Variants in MSR1 observed in about 807,000 individuals in gnomAD.
MSR1 encodes macrophage scavenger receptor 1, also known as macrophage scavenger receptor types I and II.
A neutral mutation model predicts 47.2 loss-of-function variants in MSR1; 53 were observed. That is an observed-to-expected ratio of 1.12 (90% confidence interval 0.90 to 1.41). The LOEUF (loss-of-function observed/expected upper bound fraction) is 1.41. MSR1 is among the 40% of genes most tolerant of loss of function. The probability of loss-of-function intolerance (pLI) is 0.00; values close to 1 mark genes in which losing one functional copy is unlikely to be tolerated. For synonymous variants in MSR1, 239 were observed against 185.6 expected (o/e 1.29, Z -2.34); for missense variants, 786 against 546.9 (o/e 1.44, Z -4.36).
At chr8:16,139,844 GAAGAT>G (rs1323239302) in intron 8 of MSR1, 1 of 310,542 alleles carries the variant, frequency 3.2e-6, no homozygotes, top group East Asian at 2.3e-4. Flanking sequence ...TGGAAAATAA[GAAGAT>G]GAGAAGGTAA....
intron 8 of MSR1, among the ~76,000 whole-genome samples, chr8:16,124,903 T>G (rs1156282149): frequency 6.6e-6 from 1 of 152,144 alleles, no homozygotes; most frequent in African/African-American, 2.4e-5. Flanking sequence ...GCTTAAAATA[T>G]CAAATCATAG....
At chr8:16,180,900 T>G (rs957341707) in intron 1 of MSR1, among the ~76,000 whole-genome samples, 1 of 152,142 alleles carries the variant, frequency 6.6e-6, no homozygotes, top group Non-Finnish European at 1.5e-5. Context: ...ATCTGACCAC[T>G]GTGGAGAAAG....
intron 9 of MSR1, among the ~76,000 whole-genome samples, chr8:16,117,488 G>T (rs780209957): frequency 3.9e-5 from 6 of 152,134 alleles, no homozygotes; most frequent in Non-Finnish European, 8.8e-5. Context: ...CTGATGGCAG[G>T]CTTTAGAGTC....
At chr8:16,137,853 A>G (rs1800429503) in intron 8 of MSR1, among the ~76,000 whole-genome samples, 1 of 151,940 alleles carries the variant, frequency 6.6e-6, no homozygotes, top group Admixed American at 6.6e-5. Flanking sequence ...ATAGCCAAGC[A>G]TGGTGGTGTG....
intron 6 of MSR1, among the ~76,000 whole-genome samples, chr8:16,150,582 G>A (rs1800828608): frequency 6.6e-6 from 1 of 152,054 alleles, no homozygotes; most frequent in African/African-American, 2.4e-5. Flanking sequence ...AGATCTTGGA[G>A]TTTTAACCAA....
chr8:16,119,435 A>C (rs1355366003), intron 9 of MSR1, among the ~76,000 whole-genome samples: 1 of 152,078 alleles, frequency 6.6e-6, no homozygotes. Context: ...CATGTTGGCC[A>C]GGCTGATCTC....
intron 5 of MSR1, among the ~76,000 whole-genome samples, chr8:16,162,211 A>G (rs370603524): frequency 1.3e-5 from 2 of 152,084 alleles, no homozygotes; most frequent in South Asian, 2.1e-4. Flanking sequence ...AAGAGCCACA[A>G]GAAAAGCTTG....
At chr8:16,144,807 T>C (rs1455243014) in intron 7 of MSR1, among the ~76,000 whole-genome samples, 1 of 152,142 alleles carries the variant, frequency 6.6e-6, no homozygotes, top group Non-Finnish European at 1.5e-5. Flanking sequence ...ATCTTCTCTT[T>C]GTGATTTTAT....
intron 1 of MSR1, among the ~76,000 whole-genome samples, chr8:16,191,887 G>A (rs527385958): frequency 2.0e-4 from 31 of 152,174 alleles, no homozygotes; most frequent in African/African-American, 7.2e-4. Context: ...ATTTATTTTT[G>A]ATAGACTTTT....
chr8:16,185,896 A>G (rs1368491393), intron 1 of MSR1, among the ~76,000 whole-genome samples: 2 of 151,818 alleles, frequency 1.3e-5, no homozygotes, highest in East Asian at 1.9e-4. Flanking sequence ...CATGATATTC[A>G]GTGGGTGAGT....
intron 4 of MSR1, among the ~76,000 whole-genome samples, chr8:16,166,965 A>G (rs1801330764): frequency 6.6e-6 from 1 of 151,580 alleles, no homozygotes; most frequent in Admixed American, 6.6e-5. Context: ...ACACACACAC[A>G]CACATGCACG....
chr8:16,140,659 T>G, intron 8 of MSR1: 1 of 1,223,500 alleles, frequency 8.2e-7, no homozygotes, highest in African/African-American at 1.5e-5. Flanking sequence ...TAAATTAAAT[T>G]GGGTTCAAGA....
At chr8:16,170,624 A>G (rs1267355057) in intron 3 of MSR1, among the ~76,000 whole-genome samples, 2 of 152,182 alleles carry the variant, frequency 1.3e-5, no homozygotes, top group African/African-American at 2.4e-5. Context: ...TTTTCTAATA[A>G]AAGTGATATG....
chr8:16,188,928 G>C (rs1357144466), intron 1 of MSR1, among the ~76,000 whole-genome samples: 2 of 143,442 alleles, frequency 1.4e-5, no homozygotes, highest in Non-Finnish European at 3.0e-5. Flanking sequence ...CATTTGGGTT[G>C]GTTCCAAGTG....
In MSR1 at chr8:16,168,766, T is replaced by TTTCCTC. The variant is rs780118323; in HGVS notation, c.316_321dup (p.Glu106_Glu107dup). 6.2e-7 allele frequency: 1 copy of TTTCCTC among 1,614,168 alleles called. No individual in the cohort carries two copies. Among genetic ancestry groups the TTTCCTC allele is most frequent in the Non-Finnish European group, 8.5e-7 (1 of 1,180,012 alleles). On this transcript the variant is annotated inframe_insertion, in exon 4 of 10. Coordinates refer to ENST00000262101, the MANE Select transcript of MSR1 (RefSeq NM_138715.3). ...TCCATAAAGACTTCTTGAAATCTCA[T>TTTCCTC]TTCCTCTTCGCTGTCATTTCCTTTT...
rs918983765 is a variant in MSR1 at position 16,168,836 on chromosome 8, T to C, written c.252A>G (p.Ser84=). 3.1e-6 allele frequency: 5 copies of C among 1,613,794 alleles called. No individual in the cohort carries two copies. Among genetic ancestry groups the C allele is most frequent in the Non-Finnish European group, 4.2e-6 (5 of 1,179,994 alleles). Residue 84 remains serine, a synonymous_variant, in exon 4 of 10, where the codon TCA becomes TCG. Transcript: ENST00000262101. ...TATCATTTGCATTAGTTGAACTAAC[T>C]GAGCAATTCTTCGTTTCCCACTTCA... The part of the protein sequence containing the change: ...QLLKWETKNC[S]VSSTNANDIT...
At chr8:16,175,790 C>A (rs1801628293) in intron 2 of MSR1, among the ~76,000 whole-genome samples, 1 of 152,046 alleles carries the variant, frequency 6.6e-6, no homozygotes. Context: ...AGTTTTGTAT[C>A]TGCATACCTC....
At chr8:16,178,746 C>A (rs935013599) in intron 1 of MSR1, among the ~76,000 whole-genome samples, 1 of 152,178 alleles carries the variant, frequency 6.6e-6, no homozygotes, top group African/African-American at 2.4e-5. Flanking sequence ...TCCTATTTCT[C>A]CACATCCTCT....
chr8:16,143,509 C>G (rs750094396), intron 8 of MSR1, 49 bp downstream of exon 8: 1 of 1,534,142 alleles, frequency 6.5e-7, no homozygotes, highest in South Asian at 1.1e-5. Context: ...GTATCACAGA[C>G]TTACTTATTA....
Sources: allele counts gnomAD v4.1 joint callset (sites outside exome capture counted in the v4.1 genomes callset), GRCh38; gene constraint gnomAD v4.1.1; transcripts MANE v1.5; gene names NCBI Gene and HGNC (gene_info 2026-07-23, HGNC 2026-07-21).